Variants in TRMT1L observed in about 807,000 individuals in gnomAD.
TRMT1L encodes the protein tRNA (guanine(27)-N(2))-dimethyltransferase.
In TRMT1L, 28 loss-of-function variants were observed where a neutral mutation model predicts 81.6. That is an observed-to-expected ratio of 0.34 (90% CI 0.25 to 0.47). The LOEUF (loss-of-function observed/expected upper bound fraction) is 0.47. Ranked by LOEUF, TRMT1L falls within the 20% of genes least tolerant of loss-of-function variation. The probability of loss-of-function intolerance (pLI) is 1.00; values close to 1 mark genes in which losing one functional copy is unlikely to be tolerated. For missense variants in TRMT1L, 739 were observed against 877.1 expected (o/e 0.84, Z 1.99); for synonymous variants, 301 against 303.2 (o/e 0.99, Z 0.07).
chr1:185,124,853 T>C (rs892642601), intron 12 of TRMT1L, 91 bp downstream of exon 12: 10 of 1,195,422 alleles, frequency 8.4e-6, no homozygotes, highest in Non-Finnish European at 1.2e-5. Flanking sequence ...ATAATTATAT[T>C]GGTTTTATTA....
chr1:185,119,849 G>T lies in TRMT1L; in HGVS notation c.*170C>A. The T allele has an allele frequency of 1.3e-6, 1 of 799,440 alleles. No individual in the cohort carries two copies. The highest frequency in any genetic ancestry group is 1.8e-6 in the Non-Finnish European group (1 of 550,570). 49.5% of individuals were successfully genotyped at this position (799,440 alleles called of 1,614,324 possible). A position where few individuals can be genotyped will look rare whatever the true frequency, so the allele number is the denominator to read the frequency against. On this transcript the variant is annotated 3_prime_UTR_variant, in exon 15 of 15. Transcript: ENST00000367506. Reference sequence around the variant, plus strand: ...CTTAAAACAAAAAAAAACTTGGAAAGCAAAGCTCCCAAACCAGCTAAGTTA... The same window carrying T: ...CTTAAAACAAAAAAAAACTTGGAAATCAAAGCTCCCAAACCAGCTAAGTTA...
chr1:185,156,611 G>A lies in TRMT1L; in HGVS notation c.102C>T (p.Val34=). 6.3e-7 allele frequency: 1 copy of A among 1,598,600 alleles called. No individual in the cohort carries two copies. The highest frequency in any genetic ancestry group is 8.5e-7 in the Non-Finnish European group (1 of 1,172,840). The change falls in exon 1 of 15, where the codon GTC becomes GTT. Residue 34 remains valine, a synonymous_variant. Coordinates refer to ENST00000367506, the MANE Select transcript of TRMT1L (RefSeq NM_030934.5). ...GAGCCGAATCCGGGGCCGGAGCTGGGACCCCAGCCGAGTCCCGGGCCGGGG... is the reference window on the plus strand; with the variant it reads ...GAGCCGAATCCGGGGCCGGAGCTGGAACCCCAGCCGAGTCCCGGGCCGGGG... The part of the protein sequence containing the change: ...VPTPARDSAG[V]PAPAPDSALD...
At chr1:185,142,677 G>A in intron 7 of TRMT1L, among the ~76,000 whole-genome samples, 1 of 150,406 alleles carries the variant, frequency 6.6e-6, no homozygotes, top group African/African-American at 2.4e-5. Flanking sequence ...AATTGTATCT[G>A]AATCTAATTA....
chr1:185,122,486 T>C (rs1652523306), intron 13 of TRMT1L, among the ~76,000 whole-genome samples: 1 of 152,094 alleles, frequency 6.6e-6, no homozygotes, highest in Non-Finnish European at 1.5e-5. Context: ...ATCCTTACAC[T>C]ATCCTCCCAC....
At chr1:185,128,964 ATT>A (rs1022043557) in intron 10 of TRMT1L, among the ~76,000 whole-genome samples, 1 of 152,070 alleles carries the variant, frequency 6.6e-6, no homozygotes, top group Admixed American at 6.6e-5. Flanking sequence ...ACATATATAT[ATT>A]TTTTTAATTT....
intron 1 of TRMT1L, among the ~76,000 whole-genome samples, chr1:185,156,019 C>G (rs748917654): frequency 6.6e-6 from 1 of 152,170 alleles, no homozygotes; most frequent in Non-Finnish European, 1.5e-5. Context: ...GCTGTCGAAG[C>G]AGAAAAGCTA....
intron 10 of TRMT1L, among the ~76,000 whole-genome samples, chr1:185,135,919 A>G (rs1246948428): frequency 6.6e-6 from 1 of 152,218 alleles, no homozygotes; most frequent in Non-Finnish European, 1.5e-5. Flanking sequence ...GTTTGGTTCT[A>G]TATTGGAAAC....
intron 13 of TRMT1L, among the ~76,000 whole-genome samples, chr1:185,123,139 A>G (rs1172225769): frequency 6.6e-6 from 1 of 152,206 alleles, no homozygotes; most frequent in East Asian, 1.9e-4. Context: ...TTTAAACTAT[A>G]TACTATTAAA....
Position 185,156,651 on chromosome 1 carries a change from T to A in TRMT1L, c.62A>T (p.Gln21Leu), listed in dbSNP as rs189413479. The A allele has an allele frequency of 4.3e-6, 7 of 1,610,376 alleles. No homozygotes were observed. In the African/African-American group the frequency reaches 9.3e-5, roughly 22 times the overall value. Residue 21 changes from glutamine to leucine, a missense_variant, in exon 1 of 15, where the codon CAG (glutamine) becomes CTG (leucine). Physicochemically the swap from Gln to Leu is moderately radical, Grantham distance 113. Around this residue, in one of 4 missense-constraint regions of TRMT1L, gnomAD observed 209 missense variants for 165.4 expected, o/e 1.26. Transcript: ENST00000367506. ...CCGGGCCGGGGTCGGGACCTGGACC[T>A]GGGCCACCTCCACCTCCTCCTTCTC... is the stretch of plus-strand genomic sequence containing the variant. ...PLEKEEVEVA[Q>L]VQVPTPARDS...
chr1:185,142,736 G>C (rs530457290), intron 7 of TRMT1L, among the ~76,000 whole-genome samples: 1 of 151,614 alleles, frequency 6.6e-6, no homozygotes, highest in Admixed American at 6.6e-5. Flanking sequence ...TGTTTTATGA[G>C]CCATAACAAT....
Position 185,124,967 on chromosome 1 carries a change from G to C in TRMT1L, c.1736C>G (p.Ala579Gly). The change falls in exon 12 of 15, where the codon GCA becomes GGA. Residue 579 changes from alanine (A) to glycine (G), a missense_variant. By Grantham distance (60) the Ala-to-Gly change is moderately conservative. Around this residue, in one of 4 missense-constraint regions of TRMT1L, gnomAD observed 196 missense variants for 232.6 expected, o/e 0.84. Coordinates refer to ENST00000367506, the MANE Select transcript of TRMT1L (RefSeq NM_030934.5). ...CTPQSQFSIHASSNVNKQEEN... is the reference protein window; with the variant it reads ...CTPQSQFSIHGSSNVNKQEEN... The stretch of plus-strand genomic sequence containing the variant: ...ACCTTGCTTGTTGACATTTGAAGAT[G>C]CATGAATTGAAAACTGACTTTGAGG... 1 of 1,611,100 alleles carries C rather than the reference G, an allele frequency of 6.2e-7. No homozygotes were observed. Among genetic ancestry groups the C allele is most frequent in the Non-Finnish European group, 8.5e-7 (1 of 1,178,302 alleles).
At chr1:185,136,511 AC>A (rs1334182407) in intron 10 of TRMT1L, among the ~76,000 whole-genome samples, 1 of 152,244 alleles carries the variant, frequency 6.6e-6, no homozygotes, top group Non-Finnish European at 1.5e-5. Context: ...ATACTAAAGT[AC>A]TTGCACAAAT....
chr1:185,123,922 A>G lies in TRMT1L; in HGVS notation c.1760-3T>C. On this transcript the variant is annotated splice_polypyrimidine_tract_variant and splice_region_variant and intron_variant, in intron 12 of 14. Coordinates refer to ENST00000367506, the MANE Select transcript of TRMT1L (RefSeq NM_030934.5). Reference sequence around the variant, plus strand: ...TTTAATAAATACACCATTTTCTTCTAAAAAATAAAGCAAATGGGAAAAGAA... The same window carrying G: ...TTTAATAAATACACCATTTTCTTCTGAAAAATAAAGCAAATGGGAAAAGAA... 1 of 1,464,416 alleles carries G rather than the reference A, an allele frequency of 6.8e-7. No individual in the cohort carries two copies. The highest frequency in any genetic ancestry group is 9.2e-7 in the Non-Finnish European group (1 of 1,090,454). The allele number at this position is 1,464,416 out of a possible 1,614,324, so 90.7% of individuals were successfully genotyped here. A position where few individuals can be genotyped will look rare whatever the true frequency, so the allele number is the denominator to read the frequency against.
intron 10 of TRMT1L, among the ~76,000 whole-genome samples, chr1:185,135,537 C>A (rs1442281565): frequency 1.3e-5 from 2 of 151,602 alleles, no homozygotes; most frequent in Non-Finnish European, 2.9e-5. Context: ...GGGAATATGA[C>A]CATAGGAACC....
At chr1:185,124,826 C>T (rs1652582836) in intron 12 of TRMT1L, 118 bp downstream of exon 12, 5 of 989,632 alleles carry the variant, frequency 5.1e-6, no homozygotes, top group Non-Finnish European at 7.0e-6. Flanking sequence ...AGAAGATTTA[C>T]TAAAAACACA....
Position 185,138,296 on chromosome 1 carries a change from C to T in TRMT1L, c.1323-500G>A, listed in dbSNP as rs1436103194. ...AGCTCTACTATATACCATTTATGTA[C>T]TCTGCAGTCATATACTACATTTAAT... On this transcript the variant is annotated intron_variant, in intron 9 of 14. Transcript: ENST00000367506. Among the ~76,000 whole-genome samples, 5 of 152,148 alleles carry T rather than the reference C, an allele frequency of 3.3e-5. No individual in the cohort carries two copies. In the East Asian group the frequency reaches 9.6e-4, roughly 29 times the overall value.
chr1:185,140,132 T>C lies in TRMT1L; in HGVS notation c.950A>G (p.Gln317Arg). The stretch of plus-strand genomic sequence containing the variant: ...CAATTTGTTTAAATGGCAGTTTTCC[T>C]GAATCAGTGTCACAGAATTTTCATT... ...DLNENSVTLI[Q>R]ENCHLNKLKV... Residue 317 changes from glutamine (Q) to arginine (R), a missense_variant, in exon 8 of 15, where the codon CAG becomes CGG. By Grantham distance (43) the Gln-to-Arg change is conservative (BLOSUM62 1). This residue lies in a region of TRMT1L where 331 missense variants were observed against 462.2 expected (regional missense o/e 0.72). Transcript: ENST00000367506. The C allele has an allele frequency of 6.2e-7, 1 of 1,613,900 alleles. No individual in the cohort carries two copies. The highest frequency in any genetic ancestry group is 8.5e-7 in the Non-Finnish European group (1 of 1,179,878).
In TRMT1L at chr1:185,119,299, C is replaced by T. The variant is rs1652437896; in HGVS notation, c.*720G>A. 2.0e-5 allele frequency: 3 copies of T among 152,196 alleles called. No homozygotes were observed. The South Asian group carries it at 6.2e-4, about 32-fold the overall frequency. 9.4% of individuals were successfully genotyped at this position (152,196 alleles called of 1,614,324 possible). Reference sequence around the variant, plus strand: ...CAACCTTTTTAATTTATAACCAAATCTCTCCTCTTCAGGATTTCAGTGCTC... The same window carrying T: ...CAACCTTTTTAATTTATAACCAAATTTCTCCTCTTCAGGATTTCAGTGCTC... On this transcript the variant is annotated 3_prime_UTR_variant, in exon 15 of 15. Coordinates refer to ENST00000367506, the MANE Select transcript of TRMT1L (RefSeq NM_030934.5).
At chr1:185,128,574 T>G (rs1652692249) in intron 11 of TRMT1L, 95 bp downstream of exon 11, 10 of 1,186,790 alleles carry the variant, frequency 8.4e-6, no homozygotes, top group Non-Finnish European at 1.1e-5. Context: ...ACAATTGAAT[T>G]TAAATTTGTC....
Sources: gnomAD v4.1 joint callset for allele counts (sites outside exome capture counted in the v4.1 genomes callset) on GRCh38, gnomAD v4.1.1 for gene constraint, gnomAD v4.1.1 regional missense constraint, MANE v1.5 for transcripts, NCBI Gene and HGNC (gene_info 2026-07-23, HGNC 2026-07-21) for gene names.